NFKB1: variants seen among roughly 807,000 people sequenced by gnomAD.
NFKB1 encodes nuclear factor kappa B subunit 1, also known as nuclear factor NF-kappa-B p105 subunit.
Under a neutral mutation model 105.1 loss-of-function variants are expected in NFKB1, and 9 were observed. The ratio of observed to expected loss-of-function variants is 0.09; its 90% CI spans 0.05 to 0.15. NFKB1 has a LOEUF of 0.15. Among genes scored for constraint, NFKB1 ranks in the 10% least tolerant of loss-of-function variants. The pLI is 1.00. For synonymous variants in NFKB1, 440 were observed against 442.2 expected, an observed-to-expected ratio of 1.00 and a Z score of 0.06; for missense variants, 830 against 1,203.7, an observed-to-expected ratio of 0.69 and a Z score of 4.59.
At chr4:102,566,842 T>C in intron 5 of NFKB1, 145 bp from the exon 6 acceptor site, 2 of 763,684 alleles carry the variant, frequency 2.6e-6, no homozygotes, top group Non-Finnish European at 4.1e-6. Context: ...CATCACATAC[T>C]TTTAAAAACA....
intron 23 of NFKB1, among the ~76,000 whole-genome samples, chr4:102,614,040 T>C (rs1300934409): frequency 1.3e-5 from 2 of 152,182 alleles, no homozygotes; most frequent in Non-Finnish European, 2.9e-5. Context: ...AGTAATCCTA[T>C]ATTTCCTACA....
intron 11 of NFKB1, among the ~76,000 whole-genome samples, chr4:102,587,169 C>A (rs1348910168): frequency 6.6e-6 from 1 of 152,152 alleles, no homozygotes; most frequent in East Asian, 1.9e-4. Context: ...AGAGGCTGTC[C>A]CACCTCTCCT....
At chr4:102,547,166 T>C (rs1722201831) in intron 5 of NFKB1, among the ~76,000 whole-genome samples, 1 of 152,172 alleles carries the variant, frequency 6.6e-6, no homozygotes, top group East Asian at 1.9e-4. Flanking sequence ...AATTGTTTGA[T>C]ATATAAATAC....
intron 19 of NFKB1, among the ~76,000 whole-genome samples, chr4:102,608,646 A>C (rs1426445632): frequency 7.4e-6 from 1 of 135,804 alleles, no homozygotes; most frequent in Non-Finnish European, 1.5e-5. Context: ...CATATCTGAT[A>C]TACTTTAGAG....
chr4:102,547,396 C>T (rs941512914), intron 5 of NFKB1, among the ~76,000 whole-genome samples: 1 of 152,104 alleles, frequency 6.6e-6, no homozygotes. Flanking sequence ...TCTACATTTA[C>T]AGTTTCTAGG....
intron 16 of NFKB1, among the ~76,000 whole-genome samples, chr4:102,603,558 A>G (rs1475028417): frequency 6.6e-6 from 1 of 152,116 alleles, no homozygotes; most frequent in Non-Finnish European, 1.5e-5. Context: ...CACCAGTCTG[A>G]TTAATGGGCA....
intron 11 of NFKB1, among the ~76,000 whole-genome samples, chr4:102,591,470 G>A (rs978652761): frequency 3.3e-5 from 5 of 151,120 alleles, no homozygotes; most frequent in African/African-American, 1.2e-4. Flanking sequence ...TAATGCAGCT[G>A]GTGACTTTAA....
At chr4:102,587,126 A>G (rs1725772775) in intron 11 of NFKB1, among the ~76,000 whole-genome samples, 1 of 152,198 alleles carries the variant, frequency 6.6e-6, no homozygotes, top group Non-Finnish European at 1.5e-5. Context: ...TGATTAAAAT[A>G]GGGGTGAAGG....
At chr4:102,614,619 C>A (rs1728765028) in intron 23 of NFKB1, among the ~76,000 whole-genome samples, 1 of 152,086 alleles carries the variant, frequency 6.6e-6, no homozygotes, top group African/African-American at 2.4e-5. Flanking sequence ...CTCCACCAGG[C>A]CTGCTGTCCT....
chr4:102,593,584 T>G lies in NFKB1; in HGVS notation c.1210+16T>G, dbSNP rs4648050. 5 of 1,602,636 alleles carry G rather than the reference T, an allele frequency of 3.1e-6. No homozygotes were observed. The Admixed American group carries it at 5.2e-5, about 17-fold the overall frequency. ...ACAGGTCCAGGTACAAAAATACTTA[T>G]TCTTCCTAAAACTTTTTCATATTGG... On this transcript the variant is annotated intron_variant, in intron 12 of 23. Transcript: ENST00000226574.
chr4:102,616,402 TC>T, intron 23 of NFKB1, 31 bp from the exon 24 acceptor site: 1 of 1,610,174 alleles, frequency 6.2e-7, no homozygotes, highest in Non-Finnish European at 8.5e-7. Context: ...GCCCGGCCAT[TC>T]CCCCAGTGAA....
chr4:102,616,135 A>G (rs1057407567), intron 23 of NFKB1, among the ~76,000 whole-genome samples: 7 of 152,206 alleles, frequency 4.6e-5, no homozygotes, highest in African/African-American at 1.7e-4. Flanking sequence ...TTTCTAAGGG[A>G]AAAAAAGGTC....
chr4:102,561,561 A>G (rs1723448033), intron 5 of NFKB1, among the ~76,000 whole-genome samples: 1 of 152,228 alleles, frequency 6.6e-6, no homozygotes, highest in East Asian at 1.9e-4. Context: ...AGAAGAAAAA[A>G]TGATCATGTC....
chr4:102,503,219 A>G (rs538623445), intron 1 of NFKB1, among the ~76,000 whole-genome samples: 49 of 152,292 alleles, frequency 3.2e-4, no homozygotes, highest in African/African-American at 1.1e-3. Flanking sequence ...AGAATTTTAC[A>G]TTCATGATTT....
In NFKB1 at chr4:102,613,403, C is replaced by G. The variant is rs3817685; in HGVS notation, c.2593-22C>G. On this transcript the variant is annotated intron_variant, in intron 22 of 23. Coordinates refer to ENST00000226574, the MANE Select transcript of NFKB1 (RefSeq NM_003998.4). Reference sequence around the variant, plus strand: ...GGGACTCGAACACAAGAACATGCTCCTCCTTCCTTTCTTTCTCACAGGTCT... The same window carrying G: ...GGGACTCGAACACAAGAACATGCTCGTCCTTCCTTTCTTTCTCACAGGTCT... The G allele has an allele frequency of 0.32, 520,427 of 1,608,992 alleles. 86,830 individuals carry two copies. Among genetic ancestry groups the G allele is most frequent in the Admixed American group, 0.49 (29,290 of 59,864 alleles).
intron 2 of NFKB1, 109 bp downstream of exon 2, chr4:102,525,666 AT>A (rs41477752): frequency 0.049 from 48,173 of 979,340 alleles, 2,098 homozygotes; most frequent in African/African-American, 0.2. Context: ...AAATTAGTAA[AT>A]TTTTTTTTAA....
At chr4:102,552,381 A>G (rs1722684366) in intron 5 of NFKB1, among the ~76,000 whole-genome samples, 1 of 152,168 alleles carries the variant, frequency 6.6e-6, no homozygotes, top group Admixed American at 6.6e-5. Context: ...CCCAGGCGAT[A>G]GAGGTTTCAG....
At chr4:102,556,439 T>A (rs1177064961) in intron 5 of NFKB1, among the ~76,000 whole-genome samples, 1 of 152,154 alleles carries the variant, frequency 6.6e-6, no homozygotes, top group Non-Finnish European at 1.5e-5. Flanking sequence ...TGCTGAAACA[T>A]CTCTTTGAGC....
intron 5 of NFKB1, among the ~76,000 whole-genome samples, chr4:102,545,815 A>G (rs1722092696): frequency 6.6e-6 from 1 of 152,176 alleles, no homozygotes; most frequent in Non-Finnish European, 1.5e-5. Flanking sequence ...AATACATGCC[A>G]TTATATAATG....
Sources: allele counts gnomAD v4.1 joint callset (sites outside exome capture counted in the v4.1 genomes callset), GRCh38; gene constraint gnomAD v4.1.1; transcripts MANE v1.5; gene names NCBI Gene and HGNC (gene_info 2026-07-23, HGNC 2026-07-21).